The following KDM1B variants were observed in gnomAD, a reference collection of about 807,000 sequenced individuals.
KDM1B encodes lysine-specific histone demethylase 2.
A neutral mutation model predicts 107.4 loss-of-function variants in KDM1B; 63 were observed. That is an observed-to-expected ratio of 0.59 (90% CI 0.48 to 0.72). The LOEUF is 0.72. Ranked by LOEUF, KDM1B falls within the 30% of genes least tolerant of loss-of-function variation. KDM1B has a pLI of 0.00. For synonymous variants in KDM1B, 363 were observed against 363.9 expected (o/e 1.00, Z 0.03); for missense variants, 749 against 1,020.8 (o/e 0.73, Z 3.63).
rs748898763 is a variant in KDM1B at position 18,207,460 on chromosome 6, G to C, written c.1722G>C (p.Leu574=). The C allele has an allele frequency of 5.0e-6, 8 of 1,614,200 alleles. No individual in the cohort carries two copies. The South Asian group carries it at 8.8e-5, about 18-fold the overall frequency. The stretch of plus-strand genomic sequence containing the variant: ...CCCAGTTTGCTGGTGACCACACTCT[G>C]CTAACTCCCGGGTACTCGGTGATAA... ...FFAQFAGDHT[L]LTPGYSVIIE... is the part of the protein sequence containing the mutation. Residue 574 remains leucine (L), a synonymous_variant, in exon 16 of 22, where the codon CTG becomes CTC. Coordinates refer to ENST00000650836, the MANE Select transcript of KDM1B (RefSeq NM_001364614.2).
rs1347399893 is a variant in KDM1B at position 18,166,245 on chromosome 6, A to G, written c.306-22A>G. 1.7e-5 allele frequency: 19 copies of G among 1,116,708 alleles called. No individual in the cohort carries two copies. The East Asian group carries it at 4.2e-4, about 25-fold the overall frequency. The allele number at this position is 1,116,708 out of a possible 1,614,324, so 69.2% of individuals were successfully genotyped here. ...TAGCAATCGATATATTAATCGATAT[A>G]TTAATTTTTCTTGTTTTTCAGCCAT... On this transcript the variant is annotated intron_variant, in intron 5 of 21. Transcript: ENST00000650836.
At chr6:18,184,036 A>G (rs984487890) in intron 7 of KDM1B, among the ~76,000 whole-genome samples, 10 of 152,028 alleles carry the variant, frequency 6.6e-5, no homozygotes, top group Non-Finnish European at 1.3e-4. Context: ...ATCAAAATGC[A>G]TAACTCAATG....
chr6:18,161,475 T>C (rs751065559), intron 4 of KDM1B, 21 bp downstream of exon 4: 1 of 1,611,312 alleles, frequency 6.2e-7, no homozygotes, highest in Non-Finnish European at 8.5e-7. Context: ...ATGTGTGTCT[T>C]GGCCTCCCAT....
intron 7 of KDM1B, 137 bp downstream of exon 7, chr6:18,171,616 T>C: frequency 1.6e-6 from 1 of 644,102 alleles, no homozygotes; most frequent in African/African-American, 1.8e-5. Flanking sequence ...GAACCCCAAC[T>C]ATAATGGCTT....
Position 18,212,042 on chromosome 6 carries a change from T to G in KDM1B, c.1867-446T>G. ...CTCACTGCAAACTCCGCCTTCCAGG[T>G]TCAAGAGATTCTCCTGCCTCAGCTT... On this transcript the variant is annotated intron_variant, in intron 17 of 21. Transcript: ENST00000650836. This position sits in a 1 kb window ranked among gnomAD's most constrained non-coding sequence, Gnocchi z 5.2. The G allele has an allele frequency of 6.1e-6, 1 of 162,900 alleles. No homozygotes were observed. Among genetic ancestry groups the G allele is most frequent in the South Asian group, 1.6e-4 (1 of 6,114 alleles). 10.1% of individuals were successfully genotyped at this position (162,900 alleles called of 1,614,324 possible).
intron 5 of KDM1B, among the ~76,000 whole-genome samples, chr6:18,164,581 T>G (rs975380364): frequency 6.6e-6 from 1 of 152,194 alleles, no homozygotes; most frequent in African/African-American, 2.4e-5. Flanking sequence ...CTGCCTCAGC[T>G]TTTTTAATGT....
At position 18,200,360 on chromosome 6, in the gene KDM1B, T is replaced by A; in HGVS notation, c.1222-79T>A. 7.5e-7 allele frequency: 1 copy of A among 1,335,596 alleles called. No homozygotes were observed. Among genetic ancestry groups the A allele is most frequent in the Non-Finnish European group, 1.0e-6 (1 of 968,820 alleles). 82.7% of individuals were successfully genotyped at this position (1,335,596 alleles called of 1,614,324 possible). A position where few individuals can be genotyped will look rare whatever the true frequency, so the allele number is the denominator to read the frequency against. ...CAAATATAGAGGCTATTTAACAGTGTCCTTCTACATTTTTATAATACTGTG... is the reference window on the plus strand; with the variant it reads ...CAAATATAGAGGCTATTTAACAGTGACCTTCTACATTTTTATAATACTGTG... On this transcript the variant is annotated intron_variant, in intron 12 of 21. Coordinates refer to ENST00000650836, the MANE Select transcript of KDM1B (RefSeq NM_001364614.2). This position sits in a 1 kb window ranked among gnomAD's most constrained non-coding sequence, Gnocchi z 4.3.
chr6:18,162,841 CA>C lies in KDM1B; in HGVS notation c.227del (p.Asn76MetfsTer88). ...TGTTTTTCACTATTTTCAGATGTGC[CA>C]AAAATGGCTACACCTCCCGATGGTA... is the stretch of plus-strand genomic sequence containing the variant. The part of the protein sequence containing the change: ...CFASASERCA[K>X]NGYTSRWYHL... On this transcript the variant is annotated frameshift_variant, in exon 5 of 22. Transcript: ENST00000650836. LOFTEE classifies it high-confidence loss of function. This position sits in a 1 kb window ranked among gnomAD's most constrained non-coding sequence, Gnocchi z 4.1. The C allele has an allele frequency of 1.9e-6, 3 of 1,598,622 alleles. No individual in the cohort carries two copies. The highest frequency in any genetic ancestry group is 1.7e-6 in the Non-Finnish European group (2 of 1,166,078).
At position 18,201,777 on chromosome 6, in the gene KDM1B, C is replaced by A; in HGVS notation, c.1531+120C>A. 2 of 837,464 alleles carry A rather than the reference C, an allele frequency of 2.4e-6. No individual in the cohort carries two copies. Among genetic ancestry groups the A allele is most frequent in the Non-Finnish European group, 3.6e-6 (2 of 548,272 alleles). 51.9% of individuals were successfully genotyped at this position (837,464 alleles called of 1,614,324 possible). On this transcript the variant is annotated intron_variant, in intron 14 of 21. Transcript: ENST00000650836. This position sits in a 1 kb window ranked among gnomAD's most constrained non-coding sequence, Gnocchi z 4.3. ...TCGGCAACAGGGTAGCCCTCCTGAGCATTTCTTTTGGACTGATGGATTCTC... is the reference window on the plus strand; with the variant it reads ...TCGGCAACAGGGTAGCCCTCCTGAGAATTTCTTTTGGACTGATGGATTCTC...
intron 7 of KDM1B, among the ~76,000 whole-genome samples, chr6:18,175,776 C>T (rs1371612852): frequency 6.6e-6 from 1 of 152,048 alleles, no homozygotes; most frequent in East Asian, 1.9e-4. Context: ...TCAGTTGGCT[C>T]TAAGTATTTG....
At chr6:18,188,888 A>T (rs1787078140) in intron 9 of KDM1B, among the ~76,000 whole-genome samples, 1 of 151,456 alleles carries the variant, frequency 6.6e-6, no homozygotes, top group African/African-American at 2.4e-5. Context: ...GGTTCAAGCG[A>T]TTCTCCTGCC....
chr6:18,217,592 T>C (rs1789345663), intron 20 of KDM1B, 141 bp from the exon 21 acceptor site: 1 of 600,616 alleles, frequency 1.7e-6, no homozygotes, highest in Admixed American at 2.9e-5. Context: ...TTAGCCAGGA[T>C]CGTCTCGATC....
intron 2 of KDM1B, among the ~76,000 whole-genome samples, chr6:18,157,062 T>C (rs1784659583): frequency 6.6e-6 from 1 of 152,166 alleles, no homozygotes; most frequent in South Asian, 2.1e-4. Context: ...CAAAGCCAAA[T>C]TTTAAATGCT....
intron 7 of KDM1B, among the ~76,000 whole-genome samples, chr6:18,181,386 G>T (rs941442837): frequency 6.6e-6 from 1 of 152,092 alleles, no homozygotes; most frequent in Non-Finnish European, 1.5e-5. Flanking sequence ...AGTGAAATAA[G>T]AAATTGTTGA....
At chr6:18,163,028 A>T in intron 5 of KDM1B, 104 bp downstream of exon 5, 1 of 704,640 alleles carries the variant, frequency 1.4e-6, no homozygotes, top group Admixed American at 2.3e-5. Flanking sequence ...TTACTGAATT[A>T]TTCAGCTCTT....
chr6:18,163,756 A>G (rs942700411), intron 5 of KDM1B, among the ~76,000 whole-genome samples: 3 of 152,164 alleles, frequency 2.0e-5, no homozygotes, highest in Non-Finnish European at 4.4e-5. Context: ...ACTGATTTCT[A>G]GTTTAGTTCA....
At chr6:18,202,070 C>A (rs1221195585) in intron 14 of KDM1B, among the ~76,000 whole-genome samples, 1 of 151,884 alleles carries the variant, frequency 6.6e-6, no homozygotes, top group Admixed American at 6.6e-5. Flanking sequence ...AAGGTTTTTT[C>A]CAGTATATTT....
intron 2 of KDM1B, among the ~76,000 whole-genome samples, chr6:18,157,405 A>G (rs1240017761): frequency 6.6e-6 from 1 of 152,136 alleles, no homozygotes; most frequent in Non-Finnish European, 1.5e-5. Context: ...TGCATTAAGT[A>G]CCTATTTTCT....
intron 17 of KDM1B, among the ~76,000 whole-genome samples, chr6:18,208,925 G>A (rs200124109): frequency 4.0e-5 from 6 of 151,578 alleles, no homozygotes; most frequent in Non-Finnish European, 8.8e-5. Context: ...AAGTGCTGGG[G>A]TAACAGGCGT....
Sources: allele counts gnomAD v4.1 joint callset (sites outside exome capture counted in the v4.1 genomes callset), GRCh38; gene constraint gnomAD v4.1.1; non-coding constraint Gnocchi (gnomAD v3.1); transcripts MANE v1.5; gene names NCBI Gene and HGNC (gene_info 2026-07-23, HGNC 2026-07-21).